LRRC4C: variants seen among roughly 807,000 people sequenced by gnomAD.
LRRC4C encodes leucine rich repeat containing 4C.
Under a neutral mutation model 33.6 loss-of-function variants are expected in LRRC4C, and 5 were observed. The ratio of observed to expected loss-of-function variants is 0.15; its 90% CI spans 0.08 to 0.31. The LOEUF (loss-of-function observed/expected upper bound fraction) is 0.31. LRRC4C is among the 10% of genes least tolerant of loss of function. The pLI is 1.00. For missense variants in LRRC4C, 560 were observed against 796.7 expected (o/e 0.70, Z 3.58); for synonymous variants, 329 against 302.0 (o/e 1.09, Z -0.93).
At chr11:40,559,624 C>T (rs1352414363) in intron 3 of LRRC4C, among the ~76,000 whole-genome samples, 2 of 152,156 alleles carry the variant, frequency 1.3e-5, no homozygotes, top group Non-Finnish European at 2.9e-5. Flanking sequence ...AACTAATTTA[C>T]ACTAGAACCA....
chr11:40,856,690 A>G (rs1489618815), intron 2 of LRRC4C, among the ~76,000 whole-genome samples: 1 of 152,176 alleles, frequency 6.6e-6, no homozygotes, highest in Admixed American at 6.5e-5. Flanking sequence ...CACAAACAAT[A>G]TTTCTTAATT....
intron 6 of LRRC4C, among the ~76,000 whole-genome samples, chr11:40,124,167 A>G (rs1163361719): frequency 6.6e-6 from 1 of 152,128 alleles, no homozygotes; most frequent in Non-Finnish European, 1.5e-5. Flanking sequence ...AAAAACAGTA[A>G]CAAATGCTGG....
chr11:40,381,158 A>G (rs983325724), intron 3 of LRRC4C, among the ~76,000 whole-genome samples: 2 of 152,086 alleles, frequency 1.3e-5, no homozygotes, highest in Admixed American at 1.3e-4. Flanking sequence ...CTAGACAAAG[A>G]ATTAGTCTTT....
rs556814453 is a variant in LRRC4C, at chr11:41,225,539, C to T, written c.-496+233892G>A. On this transcript the variant is annotated intron_variant, in intron 1 of 6. Transcript: ENST00000528697. The stretch of plus-strand genomic sequence containing the variant: ...TTGGGCCAGGCCCAATGGCTCACAC[C>T]TGTAATCCCAGCACTTTGGGAGGCC... 1.8e-4 allele frequency among the ~76,000 whole-genome samples: 27 copies of T among 152,240 alleles called. No homozygotes were observed. In the East Asian group the frequency reaches 5.0e-3, roughly 28 times the overall value.
At chr11:40,401,183 T>C (rs1192973324) in intron 3 of LRRC4C, among the ~76,000 whole-genome samples, 1 of 151,936 alleles carries the variant, frequency 6.6e-6, no homozygotes, top group Non-Finnish European at 1.5e-5. Context: ...AAAAATTTCC[T>C]GATTTGTAAT....
intron 1 of LRRC4C, among the ~76,000 whole-genome samples, chr11:41,276,635 C>T (rs34691102): frequency 9.2e-5 from 14 of 152,228 alleles, no homozygotes; most frequent in African/African-American, 3.4e-4. Context: ...TATCCATATC[C>T]TGCTCCCTGG....
intron 1 of LRRC4C, among the ~76,000 whole-genome samples, chr11:41,061,239 T>C (rs1472182385): frequency 6.6e-6 from 1 of 152,070 alleles, no homozygotes; most frequent in Non-Finnish European, 1.5e-5. Flanking sequence ...GAGGAAAGAA[T>C]AGGAATGGGA....
chr11:41,316,035 G>A (rs1022516708), intron 1 of LRRC4C, among the ~76,000 whole-genome samples: 3 of 151,986 alleles, frequency 2.0e-5, no homozygotes, highest in African/African-American at 4.8e-5. Context: ...TGGGACCTGT[G>A]TATATATACT....
intron 1 of LRRC4C, among the ~76,000 whole-genome samples, chr11:40,991,101 G>GAAAA (rs1853521070): frequency 6.9e-6 from 1 of 145,698 alleles, no homozygotes; most frequent in African/African-American, 2.5e-5. Context: ...AAAGAAAATG[G>GAAAA]ACATTATTTA....
chr11:41,080,537 G>C, intron 1 of LRRC4C, among the ~76,000 whole-genome samples: 1 of 151,854 alleles, frequency 6.6e-6, no homozygotes, highest in East Asian at 1.9e-4. Context: ...ATTTTTAGTA[G>C]AGACGGAGTT....
intron 2 of LRRC4C, among the ~76,000 whole-genome samples, chr11:40,781,784 T>C (rs1950220406): frequency 6.6e-6 from 1 of 152,204 alleles, no homozygotes; most frequent in Non-Finnish European, 1.5e-5. Context: ...GTTCTCCCAA[T>C]GCCAGACTAG....
intron 2 of LRRC4C, among the ~76,000 whole-genome samples, chr11:40,806,559 C>T (rs943628723): frequency 3.3e-5 from 5 of 152,192 alleles, no homozygotes; most frequent in African/African-American, 1.2e-4. Context: ...CAATGACCCC[C>T]TCCTTTTCCA....
At chr11:40,758,433 C>T (rs374156620) in intron 2 of LRRC4C, among the ~76,000 whole-genome samples, 100 of 152,018 alleles carry the variant, frequency 6.6e-4, no homozygotes, top group African/African-American at 2.2e-3. Context: ...AATTTAAATG[C>T]CCTCATTGAC....
chr11:40,523,955 T>C (rs56221647), intron 3 of LRRC4C, among the ~76,000 whole-genome samples: 10,885 of 152,162 alleles, frequency 0.072, 1,044 homozygotes, highest in African/African-American at 0.22. Context: ...GATGTAGTAA[T>C]AAGCTTCATT....
At chr11:40,503,580 C>G (rs958477338) in intron 3 of LRRC4C, among the ~76,000 whole-genome samples, 21 of 152,172 alleles carry the variant, frequency 1.4e-4, no homozygotes, top group African/African-American at 5.1e-4. Flanking sequence ...GTCTTTCAAT[C>G]TATTTAAAGC....
chr11:40,991,886 T>C (rs1028668928), intron 1 of LRRC4C, among the ~76,000 whole-genome samples: 1 of 152,116 alleles, frequency 6.6e-6, no homozygotes, highest in African/African-American at 2.4e-5. Flanking sequence ...GCTCACCTCC[T>C]GCTGTGCAAC....
intron 1 of LRRC4C, among the ~76,000 whole-genome samples, chr11:40,943,546 G>T (rs981267107): frequency 4.6e-5 from 7 of 152,158 alleles, no homozygotes; most frequent in Admixed American, 3.9e-4. Flanking sequence ...AAACCAAACT[G>T]CCTGGTTTGC....
chr11:41,195,458 C>T (rs1946141239), intron 1 of LRRC4C, among the ~76,000 whole-genome samples: 1 of 151,990 alleles, frequency 6.6e-6, no homozygotes, highest in Admixed American at 6.6e-5. Context: ...GTTTCAGAAA[C>T]TGACAATCCA....
intron 2 of LRRC4C, among the ~76,000 whole-genome samples, chr11:40,849,034 G>T (rs553659900): frequency 1.3e-5 from 2 of 152,126 alleles, no homozygotes; most frequent in African/African-American, 2.4e-5. Context: ...TGAGCATATT[G>T]TGTGTCTTTT....
Sources: gnomAD v4.1 joint callset for allele counts (sites outside exome capture counted in the v4.1 genomes callset) on GRCh38, gnomAD v4.1.1 for gene constraint, MANE v1.5 for transcripts, NCBI Gene and HGNC (gene_info 2026-07-23, HGNC 2026-07-21) for gene names.